ZNF704: variants seen among roughly 807,000 people sequenced by gnomAD.
ZNF704 encodes the protein zinc finger protein 704.
Under a neutral mutation model 44.7 loss-of-function variants are expected in ZNF704, and 10 were observed. The ratio of observed to expected loss-of-function variants is 0.22; its 90% confidence interval spans 0.14 to 0.38. The LOEUF is 0.38. Ranked by LOEUF, ZNF704 falls within the 10% of genes least tolerant of loss-of-function variation. The pLI is 1.00. For synonymous variants in ZNF704, 211 were observed against 207.6 expected (o/e 1.02, Z -0.14); for missense variants, 390 against 545.5 (o/e 0.71, Z 2.84).
At chr8:80,823,130 C>T (rs1180648106) in intron 1 of ZNF704, among the ~76,000 whole-genome samples, 1 of 152,174 alleles carries the variant, frequency 6.6e-6, no homozygotes, top group Non-Finnish European at 1.5e-5. Flanking sequence ...GGCATCGCCT[C>T]ATCCGGGAAG....
rs374704664 is a variant in ZNF704, at chr8:80,746,930, TTCA to T, written c.222-53826_222-53824del. Among the ~76,000 whole-genome samples, 361 of 152,266 alleles carry T rather than the reference TTCA, an allele frequency of 2.4e-3. 1 individual carries two copies. Among genetic ancestry groups the T allele is most frequent in the African/African-American group, 8.3e-3 (346 of 41,540 alleles). ...ACACATCAATCAGTCCATAAAGTCC[TTCA>T]TAATATAAAGCAGCACTATTTCTAT... On this transcript the variant is annotated intron_variant, in intron 2 of 8. Coordinates refer to ENST00000327835, the MANE Select transcript of ZNF704 (RefSeq NM_001033723.3).
chr8:80,809,784 A>G (rs749597273), intron 2 of ZNF704, among the ~76,000 whole-genome samples: 4 of 152,224 alleles, frequency 2.6e-5, no homozygotes, highest in Non-Finnish European at 5.9e-5. Flanking sequence ...TGCTCAAAGT[A>G]TGCAGGTCTT....
At chr8:80,783,331 C>T (rs2129716253) in intron 2 of ZNF704, among the ~76,000 whole-genome samples, 2 of 152,144 alleles carry the variant, frequency 1.3e-5, no homozygotes, top group South Asian at 4.2e-4. Context: ...TTATTTTTCC[C>T]CCAGCTTTTA....
intron 2 of ZNF704, among the ~76,000 whole-genome samples, chr8:80,716,442 C>CG (rs2131665097): frequency 6.6e-6 from 1 of 152,306 alleles, no homozygotes; most frequent in Non-Finnish European, 1.5e-5. Context: ...AATCATAGTT[C>CG]ATCTGTGACC....
At chr8:80,673,632 C>T (rs1240814401) in intron 4 of ZNF704, among the ~76,000 whole-genome samples, 1 of 152,200 alleles carries the variant, frequency 6.6e-6, no homozygotes, top group East Asian at 1.9e-4. Flanking sequence ...GACGACTCAT[C>T]AGCTATTACT....
chr8:80,697,630 C>T (rs982499689), intron 2 of ZNF704, among the ~76,000 whole-genome samples: 1 of 152,232 alleles, frequency 6.6e-6, no homozygotes, highest in Non-Finnish European at 1.5e-5. Context: ...CTTAAACTCA[C>T]TGTTTCCTTA....
At chr8:80,726,353 AT>A (rs1806480792) in intron 2 of ZNF704, among the ~76,000 whole-genome samples, 1 of 152,204 alleles carries the variant, frequency 6.6e-6, no homozygotes, top group South Asian at 2.1e-4. Flanking sequence ...AATTTAAGCA[AT>A]GAGGAATATT....
At chr8:80,852,359 C>T (rs1808879795) in intron 1 of ZNF704, among the ~76,000 whole-genome samples, 1 of 152,150 alleles carries the variant, frequency 6.6e-6, no homozygotes, top group Non-Finnish European at 1.5e-5. Context: ...ATACATGCCA[C>T]ATGAATCAAT....
At chr8:80,711,450 T>C (rs1818984462) in intron 2 of ZNF704, among the ~76,000 whole-genome samples, 1 of 152,202 alleles carries the variant, frequency 6.6e-6, no homozygotes, top group Non-Finnish European at 1.5e-5. Context: ...GGAAAATGTA[T>C]AGATACATGC....
rs566971610 is a variant in ZNF704 at position 80,823,155 on chromosome 8, G to T, written c.-21-1540C>A. ...CATCCGGGAAGTGCAAAGGGTCAGGGAATTCCCTTTCCTAGCCAAGGGAAG... is the reference window on the plus strand; with the variant it reads ...CATCCGGGAAGTGCAAAGGGTCAGGTAATTCCCTTTCCTAGCCAAGGGAAG... On this transcript the variant is annotated intron_variant, in intron 1 of 8. Transcript: ENST00000327835. Among the ~76,000 whole-genome samples the T allele has an allele frequency of 2.6e-5, 4 of 152,292 alleles. No individual in the cohort carries two copies. The South Asian group carries it at 8.3e-4, about 32-fold the overall frequency.
At chr8:80,793,877 C>G (rs1807754765) in intron 2 of ZNF704, among the ~76,000 whole-genome samples, 1 of 152,112 alleles carries the variant, frequency 6.6e-6, no homozygotes, top group Non-Finnish European at 1.5e-5. Context: ...TTATCTAAGA[C>G]AATGCAATGG....
chr8:80,866,721 T>TG (rs5892743), intron 1 of ZNF704, among the ~76,000 whole-genome samples: 12,802 of 150,746 alleles, frequency 0.085, 727 homozygotes, highest in South Asian at 0.25. Context: ...CTTGCGGGGT[T>TG]GGGGGGGGGA....
At chr8:80,856,765 A>G (rs1808969222) in intron 1 of ZNF704, among the ~76,000 whole-genome samples, 1 of 152,174 alleles carries the variant, frequency 6.6e-6, no homozygotes, top group Non-Finnish European at 1.5e-5. Flanking sequence ...CTGTATAGTA[A>G]GTTCTGAAAT....
chr8:80,650,914 G>C (rs1018655053), intron 7 of ZNF704, among the ~76,000 whole-genome samples: 3 of 152,234 alleles, frequency 2.0e-5, no homozygotes, highest in African/African-American at 7.2e-5. Flanking sequence ...GGCAGCCAGA[G>C]AGAAAGGTTG....
At chr8:80,733,609 C>T (rs1396683269) in intron 2 of ZNF704, among the ~76,000 whole-genome samples, 1 of 152,182 alleles carries the variant, frequency 6.6e-6, no homozygotes, top group Non-Finnish European at 1.5e-5. Flanking sequence ...AGCTTCACTC[C>T]CAGCTTTGGT....
intron 2 of ZNF704, among the ~76,000 whole-genome samples, chr8:80,735,362 C>T (rs1351368410): frequency 2.0e-5 from 3 of 152,138 alleles, no homozygotes; most frequent in Non-Finnish European, 4.4e-5. Context: ...CAAACTGATC[C>T]ATGCTTATCG....
intron 2 of ZNF704, among the ~76,000 whole-genome samples, chr8:80,800,217 G>A (rs1807876026): frequency 6.6e-6 from 1 of 152,176 alleles, no homozygotes; most frequent in South Asian, 2.1e-4. Flanking sequence ...AAGAGATGGG[G>A]AGAATGGAAC....
At chr8:80,847,589 C>T (rs1808788129) in intron 1 of ZNF704, among the ~76,000 whole-genome samples, 1 of 152,090 alleles carries the variant, frequency 6.6e-6, no homozygotes, top group Admixed American at 6.5e-5. Flanking sequence ...ATACAGCTAC[C>T]ATAACTCAAG....
At chr8:80,847,121 T>C (rs927106932) in intron 1 of ZNF704, among the ~76,000 whole-genome samples, 16 of 152,206 alleles carry the variant, frequency 1.1e-4, no homozygotes, top group African/African-American at 3.9e-4. Flanking sequence ...TGCAGTGAGC[T>C]GAGACTGAGC....
Sources: allele counts gnomAD v4.1 joint callset (sites outside exome capture counted in the v4.1 genomes callset), GRCh38; gene constraint gnomAD v4.1.1; transcripts MANE v1.5; gene names NCBI Gene and HGNC (gene_info 2026-07-23, HGNC 2026-07-21).